Variants in LSAMP observed in about 807,000 individuals in gnomAD.
LSAMP encodes limbic system-associated membrane protein.
A neutral mutation model predicts 38.6 loss-of-function variants in LSAMP; 7 were observed. The observed-to-expected ratio is 0.18, with a 90% CI of 0.10 to 0.34. LSAMP has a LOEUF of 0.34. Among genes scored for constraint, LSAMP ranks in the 10% least tolerant of loss-of-function variants. The probability of loss-of-function intolerance (pLI) is 1.00; values close to 1 mark genes in which losing one functional copy is unlikely to be tolerated. For synonymous variants in LSAMP, 154 were observed against 166.8 expected, an observed-to-expected ratio of 0.92 and a Z score of 0.59; for missense variants, 313 against 420.0, an observed-to-expected ratio of 0.75 and a Z score of 2.23.
At chr3:116,108,648 T>C (rs1369161124) in intron 1 of LSAMP, among the ~76,000 whole-genome samples, 1 of 152,162 alleles carries the variant, frequency 6.6e-6, no homozygotes, top group Non-Finnish European at 1.5e-5. Flanking sequence ...CCAGAAGCTA[T>C]GGGAGTGGCT....
chr3:115,967,605 A>C (rs371633919), intron 3 of LSAMP, among the ~76,000 whole-genome samples: 40 of 152,222 alleles, frequency 2.6e-4, no homozygotes, highest in African/African-American at 8.9e-4. Flanking sequence ...GACATGCTTG[A>C]GACTGGGAAA....
chr3:116,067,863 G>C (rs1473073620), intron 2 of LSAMP, among the ~76,000 whole-genome samples: 1 of 151,942 alleles, frequency 6.6e-6, no homozygotes, highest in Non-Finnish European at 1.5e-5. Context: ...TATTATGAAA[G>C]GTTTTGCCGA....
Position 115,892,850 on chromosome 3 carries a change from ATTATT to A in LSAMP, c.515-40238_515-40234del, listed in dbSNP as rs898387543. ...CAATTATATTATATATATAATATATATTATTTTAATTTAAACTGTGTGAAATGGCA... is the reference window on the plus strand; with the variant it reads ...CAATTATATTATATATATAATATATATTAATTTAAACTGTGTGAAATGGCA... On this transcript the variant is annotated intron_variant, in intron 3 of 6. Transcript: ENST00000490035. 2.7e-4 allele frequency among the ~76,000 whole-genome samples: 41 copies of A among 149,160 alleles called. 1 individual carries two copies. The East Asian group carries it at 7.6e-3, about 28-fold the overall frequency.
At chr3:115,997,747 TATATATAC>T (rs1467340898) in intron 3 of LSAMP, among the ~76,000 whole-genome samples, 239 of 96,078 alleles carry the variant, frequency 2.5e-3, no homozygotes, top group African/African-American at 9.2e-3. Context: ...TATATATATA[TATATATAC>T]ACACACATAC....
chr3:115,818,088 C>T (rs974176599), intron 6 of LSAMP, among the ~76,000 whole-genome samples: 3 of 152,112 alleles, frequency 2.0e-5, no homozygotes, highest in African/African-American at 7.2e-5. Flanking sequence ...ATTTAGGGCT[C>T]CCACTTCTCT....
chr3:116,333,882 A>G lies in LSAMP; in HGVS notation c.155+110995T>C, dbSNP rs1234442592. On this transcript the variant is annotated intron_variant, in intron 1 of 6. Coordinates refer to ENST00000490035, the MANE Select transcript of LSAMP (RefSeq NM_002338.5). ...AAATCCAAAGCTAGAAGAAAGAAGG[A>G]AATAAATAATAAAGATTAGAGATAA... Among the ~76,000 whole-genome samples the G allele has an allele frequency of 2.0e-5, 3 of 151,876 alleles. No homozygotes were observed. The East Asian group carries it at 5.8e-4, about 29-fold the overall frequency.
chr3:115,989,971 T>C (rs544811287), intron 3 of LSAMP, among the ~76,000 whole-genome samples: 3 of 152,034 alleles, frequency 2.0e-5, no homozygotes, highest in African/African-American at 4.8e-5. Context: ...AGAGTTATAA[T>C]ATAAGTGGAT....
chr3:116,113,030 T>C (rs1029739141), intron 1 of LSAMP, among the ~76,000 whole-genome samples: 22 of 151,310 alleles, frequency 1.5e-4, no homozygotes, highest in African/African-American at 5.4e-4. Context: ...CTACAACAAA[T>C]AATAAGTAAG....
intron 1 of LSAMP, among the ~76,000 whole-genome samples, chr3:116,089,355 T>G (rs945075346): frequency 7.9e-5 from 12 of 152,298 alleles, no homozygotes; most frequent in Non-Finnish European, 1.5e-4. Context: ...CATATACTTT[T>G]TTTTGTTTTG....
At chr3:116,023,096 T>C (rs1940682668) in intron 2 of LSAMP, among the ~76,000 whole-genome samples, 1 of 152,084 alleles carries the variant, frequency 6.6e-6, no homozygotes, top group Admixed American at 6.6e-5. Context: ...ATGTCATGTA[T>C]GGAGGATCAA....
At chr3:116,041,791 G>A (rs1334005644) in intron 2 of LSAMP, among the ~76,000 whole-genome samples, 1 of 122,614 alleles carries the variant, frequency 8.2e-6, no homozygotes, top group African/African-American at 3.4e-5. Flanking sequence ...GTAAATGAAA[G>A]CATGCAAAAA....
intron 1 of LSAMP, among the ~76,000 whole-genome samples, chr3:116,166,995 G>C (rs578136492): frequency 2.6e-5 from 4 of 152,076 alleles, no homozygotes; most frequent in African/African-American, 9.6e-5. Context: ...GTTTCACCGT[G>C]TTAGCCAGGA....
At chr3:115,990,166 A>C (rs979280420) in intron 3 of LSAMP, among the ~76,000 whole-genome samples, 2 of 152,044 alleles carry the variant, frequency 1.3e-5, no homozygotes, top group African/African-American at 4.8e-5. Context: ...TCTTCCTTGA[A>C]ATGTAATCCA....
At chr3:116,404,354 G>T (rs552048927) in intron 1 of LSAMP, among the ~76,000 whole-genome samples, 1 of 152,004 alleles carries the variant, frequency 6.6e-6, no homozygotes, top group Non-Finnish European at 1.5e-5. Context: ...GCTTTGGAAG[G>T]GTTTCTCATA....
chr3:116,074,163 G>T (rs1707677756), intron 2 of LSAMP, among the ~76,000 whole-genome samples: 1 of 152,132 alleles, frequency 6.6e-6, no homozygotes, highest in Admixed American at 6.5e-5. Context: ...TAATTCTAAG[G>T]TAGGTGCACT....
At chr3:116,161,476 G>A (rs1709885847) in intron 1 of LSAMP, among the ~76,000 whole-genome samples, 1 of 152,158 alleles carries the variant, frequency 6.6e-6, no homozygotes, top group Admixed American at 6.5e-5. Context: ...CAGTGGGTAT[G>A]CCATTAGATG....
intron 1 of LSAMP, among the ~76,000 whole-genome samples, chr3:116,309,951 T>C (rs771895597): frequency 6.6e-6 from 1 of 152,182 alleles, no homozygotes; most frequent in Non-Finnish European, 1.5e-5. Context: ...CCTTTTTTGA[T>C]TGGCACATCC....
chr3:115,914,999 A>T (rs1267191313), intron 3 of LSAMP, among the ~76,000 whole-genome samples: 1 of 152,174 alleles, frequency 6.6e-6, no homozygotes. Context: ...GGGGTGTGTT[A>T]GGTACTTCTT....
intron 1 of LSAMP, among the ~76,000 whole-genome samples, chr3:116,429,889 T>A (rs2049257840): frequency 1.3e-5 from 2 of 152,192 alleles, no homozygotes; most frequent in African/African-American, 4.8e-5. Flanking sequence ...ATGGTTAATA[T>A]AAGAGACCCT....
Sources: allele counts gnomAD v4.1 joint callset (sites outside exome capture counted in the v4.1 genomes callset), GRCh38; gene constraint gnomAD v4.1.1; transcripts MANE v1.5; gene names NCBI Gene and HGNC (gene_info 2026-07-23, HGNC 2026-07-21).